The following MPRIP variants were observed in gnomAD, a reference collection of about 807,000 sequenced individuals.
MPRIP encodes the protein myosin phosphatase Rho interacting protein, also known as myosin phosphatase Rho-interacting protein.
In MPRIP, 59 loss-of-function variants were observed where a neutral mutation model predicts 234.9. The observed-to-expected ratio is 0.25, with a 90% CI of 0.20 to 0.31. The LOEUF is 0.31. Ranked by LOEUF, MPRIP falls within the 10% of genes least tolerant of loss-of-function variation. The probability of loss-of-function intolerance (pLI) is 1.00; values close to 1 mark genes in which losing one functional copy is unlikely to be tolerated. For synonymous variants in MPRIP, 1,144 were observed against 1,263.9 expected (o/e 0.91, Z 2.01); for missense variants, 2,436 against 3,071.0 (o/e 0.79, Z 4.89).
chr17:17,180,409 C>G (rs986729279), intron 23 of MPRIP, among the ~76,000 whole-genome samples: 7 of 152,250 alleles, frequency 4.6e-5, no homozygotes, highest in Non-Finnish European at 8.8e-5. Flanking sequence ...TGTGTTGTTC[C>G]TTGCACATCA....
chr17:17,068,346 C>T (rs1377211779), intron 1 of MPRIP, among the ~76,000 whole-genome samples: 1 of 151,882 alleles, frequency 6.6e-6, no homozygotes, highest in Non-Finnish European at 1.5e-5. Context: ...GACGGGGTTT[C>T]TTCATGTTGG....
intron 3 of MPRIP, among the ~76,000 whole-genome samples, chr17:17,113,174 G>A (rs893153125): frequency 6.6e-6 from 1 of 152,026 alleles, no homozygotes; most frequent in African/African-American, 2.4e-5. Flanking sequence ...ATCCCTGCCT[G>A]CCCTCCCCAG....
chr17:17,052,754 A>G (rs1206351364), intron 1 of MPRIP, among the ~76,000 whole-genome samples: 2 of 152,162 alleles, frequency 1.3e-5, no homozygotes, highest in South Asian at 4.1e-4. Context: ...AACATGGGCT[A>G]CTGGCCTAGG....
chr17:17,143,648 G>A lies in MPRIP; in HGVS notation c.1482G>A (p.Arg494=), dbSNP rs772324050. ...PHRRAKSLDR[R]STEPSVTPDL... ...GAAGAGCCAAGTCACTGGACAGGAGGTCCACGGAGCCCTCCGTGACGGTGA... is the reference window on the plus strand; with the variant it reads ...GAAGAGCCAAGTCACTGGACAGGAGATCCACGGAGCCCTCCGTGACGGTGA... Residue 494 remains arginine (R), a synonymous_variant, in exon 9 of 24, where the codon AGG becomes AGA. Transcript: ENST00000651222. 4.4e-6 allele frequency: 7 copies of A among 1,606,554 alleles called. No homozygotes were observed. The highest frequency in any genetic ancestry group is 5.1e-6 in the Non-Finnish European group (6 of 1,176,774).
At chr17:17,101,391 C>A (rs1439772471) in intron 3 of MPRIP, among the ~76,000 whole-genome samples, 1 of 152,144 alleles carries the variant, frequency 6.6e-6, no homozygotes, top group African/African-American at 2.4e-5. Context: ...CAGGATGAAA[C>A]CCCATCTCTA....
Position 17,137,980 on chromosome 17 carries a change from C to T in MPRIP, c.801C>T (p.Tyr267=), listed in dbSNP as rs778116160. 3.1e-6 allele frequency: 5 copies of T among 1,612,590 alleles called. No individual in the cohort carries two copies. Among genetic ancestry groups the T allele is most frequent in the Non-Finnish European group, 4.2e-6 (5 of 1,179,656 alleles). The change falls in exon 7 of 24, where the codon TAC becomes TAT. Residue 267 remains tyrosine (Y), a synonymous_variant. Coordinates refer to ENST00000651222, the MANE Select transcript of MPRIP (RefSeq NM_001364716.4). Reference sequence around the variant, plus strand: ...GCAAAGTCCGGGTGGAGAGCGGCTACTTCTCTCTGGAGAAGACCAAACAGG... The same window carrying T: ...GCAAAGTCCGGGTGGAGAGCGGCTATTTCTCTCTGGAGAAGACCAAACAGG... ...CGRKVRVESG[Y]FSLEKTKQDL...
At chr17:17,094,453 T>C (rs979225415) in intron 3 of MPRIP, among the ~76,000 whole-genome samples, 12 of 152,218 alleles carry the variant, frequency 7.9e-5, no homozygotes, top group African/African-American at 2.9e-4. Flanking sequence ...AGTTCTAAAA[T>C]TTCATGAAGA....
intron 3 of MPRIP, among the ~76,000 whole-genome samples, chr17:17,114,429 C>CT (rs10719541): frequency 2.0e-5 from 3 of 151,300 alleles, no homozygotes; most frequent in Non-Finnish European, 3.0e-5. Flanking sequence ...TCTAGTTTAT[C>CT]TTTTTTTTTT....
chr17:17,081,151 A>G (rs2089453258), intron 3 of MPRIP, among the ~76,000 whole-genome samples: 2 of 152,222 alleles, frequency 1.3e-5, no homozygotes, highest in South Asian at 4.1e-4. Context: ...CTCCACACTC[A>G]ATCAGCATCT....
chr17:17,051,756 C>G (rs1298331689), intron 1 of MPRIP, among the ~76,000 whole-genome samples: 1 of 152,250 alleles, frequency 6.6e-6, no homozygotes, highest in Non-Finnish European at 1.5e-5. Context: ...GACATTTTGT[C>G]TCTGGAAGCT....
chr17:17,084,919 T>C (rs1404487596), intron 3 of MPRIP, among the ~76,000 whole-genome samples: 1 of 152,232 alleles, frequency 6.6e-6, no homozygotes, highest in Non-Finnish European at 1.5e-5. Flanking sequence ...TGTAACTGTC[T>C]GAGAGGCAGA....
chr17:17,055,615 T>C (rs1247843038), intron 1 of MPRIP, among the ~76,000 whole-genome samples: 1 of 152,308 alleles, frequency 6.6e-6, no homozygotes, highest in East Asian at 1.9e-4. Context: ...TCTCTTCTTT[T>C]GAGCCTGAGA....
At chr17:17,053,039 G>T (rs2088589117) in intron 1 of MPRIP, among the ~76,000 whole-genome samples, 1 of 152,040 alleles carries the variant, frequency 6.6e-6, no homozygotes, top group Non-Finnish European at 1.5e-5. Context: ...TGGGTCTCCT[G>T]ATGCCATACC....
chr17:17,165,607 A>C lies in MPRIP; in HGVS notation c.4016A>C (p.Glu1339Ala). The change falls in exon 16 of 24, where the codon GAG becomes GCG. Residue 1339 changes from glutamate to alanine, a missense_variant. Glu to Ala is a moderately radical substitution (Grantham distance 107, BLOSUM62 -1). This residue lies in a region of MPRIP where 1,998 missense variants were observed against 2,520.3 expected (regional missense o/e 0.79). Coordinates refer to ENST00000651222, the MANE Select transcript of MPRIP (RefSeq NM_001364716.4). ...AGATACATTCACCCCGAAGGGTCTG[A>C]GAAGACCTGGACCAGCAGCACATCT... is the stretch of plus-strand genomic sequence containing the variant. ...CQRYIHPEGS[E>A]KTWTSSTSSD... is the part of the protein sequence containing the mutation. The C allele has an allele frequency of 7.7e-7, 1 of 1,304,926 alleles. No individual in the cohort carries two copies. Among genetic ancestry groups the C allele is most frequent in the South Asian group, 1.2e-5 (1 of 81,036 alleles). The allele number at this position is 1,304,926 out of a possible 1,614,324, so 80.8% of individuals were successfully genotyped here. A position where few individuals can be genotyped will look rare whatever the true frequency, so the allele number is the denominator to read the frequency against.
intron 9 of MPRIP, among the ~76,000 whole-genome samples, chr17:17,144,701 C>A (rs924609397): frequency 1.1e-4 from 16 of 152,152 alleles, no homozygotes; most frequent in African/African-American, 3.4e-4. Context: ...ACTAAAAATA[C>A]AAAAATTAGC....
rs776147577 is a variant in MPRIP at position 17,154,326 on chromosome 17, C to T, written c.1740C>T (p.Thr580=). 3.7e-6 allele frequency: 6 copies of T among 1,614,120 alleles called. No individual in the cohort carries two copies. In the South Asian group the frequency reaches 4.4e-5, roughly 12 times the overall value. The change falls in exon 13 of 24, where the codon ACC becomes ACT. Residue 580 remains threonine, a synonymous_variant. Coordinates refer to ENST00000651222, the MANE Select transcript of MPRIP (RefSeq NM_001364716.4). ...FQIHTKEGEF[T]LSAMTSGIRR... ...TGTAGACAAAGGAGGGCGAGTTTAC[C>T]CTGTCGGCCATGACATCTGGGATTC... is the stretch of plus-strand genomic sequence containing the variant.
intron 3 of MPRIP, among the ~76,000 whole-genome samples, chr17:17,104,054 A>G (rs896287642): frequency 1.3e-5 from 2 of 152,220 alleles, no homozygotes; most frequent in African/African-American, 4.8e-5. Flanking sequence ...TAAGATGGTA[A>G]TGAATAATGT....
chr17:17,169,512 G>C (rs566614408), intron 16 of MPRIP, among the ~76,000 whole-genome samples: 2 of 152,372 alleles, frequency 1.3e-5, no homozygotes, highest in Non-Finnish European at 2.9e-5. Context: ...ACTGACCAGA[G>C]ATTGTGCTGG....
intron 3 of MPRIP, among the ~76,000 whole-genome samples, chr17:17,082,753 G>T (rs992612820): frequency 6.6e-6 from 1 of 152,154 alleles, no homozygotes; most frequent in African/African-American, 2.4e-5. Flanking sequence ...ACTGAACTGT[G>T]CACCCATTGA....
Sources: allele counts gnomAD v4.1 joint callset (sites outside exome capture counted in the v4.1 genomes callset), GRCh38; gene constraint gnomAD v4.1.1; regional missense constraint gnomAD v4.1.1; transcripts MANE v1.5; gene names NCBI Gene and HGNC (gene_info 2026-07-23, HGNC 2026-07-21).